The following FAM228B variants were observed in gnomAD, a reference collection of about 807,000 sequenced individuals.
FAM228B encodes the protein family with sequence similarity 228 member B.
In FAM228B, 38 loss-of-function variants were observed where a neutral mutation model predicts 42.6. That is an observed-to-expected ratio of 0.89 (90% CI 0.69 to 1.17). The LOEUF (loss-of-function observed/expected upper bound fraction) is 1.17. FAM228B is among the 50% of genes most tolerant of loss of function. The probability of loss-of-function intolerance (pLI) is 0.00; values close to 1 mark genes in which losing one functional copy is unlikely to be tolerated. For synonymous variants in FAM228B, 109 were observed against 122.3 expected (o/e 0.89, Z 0.72); for missense variants, 344 against 367.3 (o/e 0.94, Z 0.52).
intron 5 of FAM228B, among the ~76,000 whole-genome samples, chr2:24,142,104 A>T (rs907617377): frequency 2.6e-5 from 4 of 152,088 alleles, no homozygotes; most frequent in Admixed American, 6.5e-5. Context: ...TGTACTCTTT[A>T]TGGACCTGGC....
At chr2:24,135,742 C>T (rs973086368) in intron 3 of FAM228B, among the ~76,000 whole-genome samples, 2 of 152,136 alleles carry the variant, frequency 1.3e-5, no homozygotes, top group Non-Finnish European at 2.9e-5. Flanking sequence ...GCAGACCTCT[C>T]AGGGTTCTTA....
intron 2 of FAM228B, chr2:24,081,088 C>T (rs1664981742): frequency 6.8e-7 from 1 of 1,473,378 alleles, no homozygotes; most frequent in Non-Finnish European, 9.2e-7. Context: ...ATTCCCCACA[C>T]AGGCATATTC....
intron 3 of FAM228B, chr2:24,115,289 G>A (rs1382688983): frequency 1.1e-5 from 4 of 359,940 alleles, no homozygotes; most frequent in Non-Finnish European, 2.1e-5. Flanking sequence ...ACTTAGCAAG[G>A]TGTGTAGGAG....
At chr2:24,166,052 A>ATATATATATATATATATAT (rs1468435433) in intron 9 of FAM228B, 27 of 19,418 alleles carry the variant, frequency 1.4e-3, no homozygotes, top group Non-Finnish European at 3.8e-3. Flanking sequence ...AAAAAAAAAA[A>ATATATATATATATATATAT]AAATATATAT....
rs1665181186 is a variant in FAM228B at position 24,084,656 on chromosome 2, A to G, written c.-210+3701A>G. On this transcript the variant is annotated intron_variant, in intron 2 of 10. Transcript: ENST00000613899. The surrounding 1 kb of genome is among the most constrained non-coding windows in gnomAD (Gnocchi z 8.4). ...GAGCAGGACAACGCCGAAGAGGATCAGGCAAATCACACTCCCTCTGAGTTG... is the reference window on the plus strand; with the variant it reads ...GAGCAGGACAACGCCGAAGAGGATCGGGCAAATCACACTCCCTCTGAGTTG... 8.2e-6 allele frequency: 2 copies of G among 245,164 alleles called. No individual in the cohort carries two copies. The highest frequency in any genetic ancestry group is 2.5e-4 in the South Asian group (2 of 8,040). The allele number at this position is 245,164 out of a possible 1,614,324, so 15.2% of individuals were successfully genotyped here.
chr2:24,145,232 A>T (rs1428523519), intron 5 of FAM228B, among the ~76,000 whole-genome samples: 1 of 152,176 alleles, frequency 6.6e-6, no homozygotes, highest in Non-Finnish European at 1.5e-5. Context: ...GACCAAGGAC[A>T]GGCACCCTTG....
At chr2:24,150,986 AGT>A (rs1481353978) in intron 7 of FAM228B, among the ~76,000 whole-genome samples, 3 of 152,120 alleles carry the variant, frequency 2.0e-5, no homozygotes, top group Non-Finnish European at 4.4e-5. Flanking sequence ...AGACTTGGGA[AGT>A]TCTCTGTTAT....
At chr2:24,094,090 A>G (rs1665449897) in intron 2 of FAM228B, among the ~76,000 whole-genome samples, 1 of 123,946 alleles carries the variant, frequency 8.1e-6, no homozygotes, top group Admixed American at 1.1e-4. Flanking sequence ...CCCAGGCTGG[A>G]GTGCAGTGGC....
chr2:24,103,794 A>T (rs1665651733), intron 3 of FAM228B, among the ~76,000 whole-genome samples: 2 of 152,238 alleles, frequency 1.3e-5, no homozygotes, highest in Admixed American at 1.3e-4. Context: ...GCGGGTCTAC[A>T]GCTCACAGAA....
At chr2:24,129,176 C>T (rs1666386053) in intron 2 of FAM228B, among the ~76,000 whole-genome samples, 1 of 152,152 alleles carries the variant, frequency 6.6e-6, no homozygotes, top group Admixed American at 6.5e-5. Flanking sequence ...GCTCTGGCCT[C>T]TCCAGACTCC....
chr2:24,098,923 G>C (rs1033796396), intron 3 of FAM228B, among the ~76,000 whole-genome samples: 4 of 152,156 alleles, frequency 2.6e-5, no homozygotes, highest in Non-Finnish European at 5.9e-5. Flanking sequence ...ACATCAAAAA[G>C]CTTATCAACC....
intron 3 of FAM228B, among the ~76,000 whole-genome samples, chr2:24,098,693 T>C (rs1033722650): frequency 5.9e-5 from 9 of 152,208 alleles, no homozygotes; most frequent in African/African-American, 1.9e-4. Flanking sequence ...AGCCAAATTC[T>C]ACCAGAGGTA....
Position 24,164,202 on chromosome 2 carries a change from A to G in FAM228B, c.799A>G (p.Lys267Glu), listed in dbSNP as rs1255278036. ...CTTTCTGGTTCCTTCCTGCAGAAAC[A>G]AAGGGTCATCCTTTCTAGAAAGAGA... The part of the protein sequence containing the change: ...EEEKTVIYKN[K>E]GSSFLEREPL... Residue 267 changes from lysine (K) to glutamate (E), a missense_variant, in exon 9 of 11, where the codon AAA (lysine) becomes GAA (glutamate). Lys to Glu is a moderately conservative substitution (Grantham distance 56). Coordinates refer to ENST00000615575, the MANE Select transcript of FAM228B (RefSeq NM_001145710.2). The G allele has an allele frequency of 6.5e-7, 1 of 1,549,240 alleles. No individual in the cohort carries two copies. Among genetic ancestry groups the G allele is most frequent in the Non-Finnish European group, 8.7e-7 (1 of 1,145,588 alleles).
chr2:24,168,995 A>G (rs547778487), intron 10 of FAM228B, among the ~76,000 whole-genome samples: 2 of 152,318 alleles, frequency 1.3e-5, no homozygotes, highest in South Asian at 4.1e-4. Flanking sequence ...GAGAAAAGGG[A>G]AGAAAGGAAC....
At chr2:24,102,782 A>G (rs1466437942) in intron 3 of FAM228B, among the ~76,000 whole-genome samples, 2 of 152,200 alleles carry the variant, frequency 1.3e-5, no homozygotes, top group Non-Finnish European at 2.9e-5. Flanking sequence ...TCATTAACAT[A>G]TCGGAGCTGC....
At chr2:24,146,164 T>A (rs1666889511) in intron 5 of FAM228B, among the ~76,000 whole-genome samples, 1 of 152,216 alleles carries the variant, frequency 6.6e-6, no homozygotes, top group South Asian at 2.1e-4. Context: ...ATGAGAAAGA[T>A]ACATGAGTGA....
chr2:24,110,176 A>G (rs1665766362), intron 3 of FAM228B, among the ~76,000 whole-genome samples: 1 of 152,240 alleles, frequency 6.6e-6, no homozygotes, highest in African/African-American at 2.4e-5. Context: ...AAACTAAGAC[A>G]GGGACAGAAA....
At chr2:24,130,176 G>A in intron 2 of FAM228B, among the ~76,000 whole-genome samples, 1 of 152,186 alleles carries the variant, frequency 6.6e-6, no homozygotes, top group East Asian at 1.9e-4. Context: ...GTATTCCATG[G>A]TGTATATGTA....
At chr2:24,098,697 A>G (rs1665549870) in intron 3 of FAM228B, among the ~76,000 whole-genome samples, 1 of 152,264 alleles carries the variant, frequency 6.6e-6, no homozygotes, top group Non-Finnish European at 1.5e-5. Context: ...AAATTCTACC[A>G]GAGGTACAAA....
Sources: gnomAD v4.1 joint callset for allele counts (sites outside exome capture counted in the v4.1 genomes callset) on GRCh38, gnomAD v4.1.1 for gene constraint, Gnocchi (gnomAD v3.1) non-coding constraint, MANE v1.5 for transcripts, NCBI Gene and HGNC (gene_info 2026-07-23, HGNC 2026-07-21) for gene names.